The following DPYD variants were observed in gnomAD, a reference collection of about 807,000 sequenced individuals.
The protein encoded by DPYD is dihydropyrimidine dehydrogenase [NADP(+)].
In DPYD, 109 loss-of-function variants were observed where a neutral mutation model predicts 116.2. The observed-to-expected ratio is 0.94, with a 90% CI of 0.80 to 1.10. The LOEUF is 1.10. DPYD is among the 50% of genes least tolerant of loss of function. DPYD has a pLI of 0.00. For missense variants in DPYD, 1,302 were observed against 1,254.5 expected, an observed-to-expected ratio of 1.04 and a Z score of -0.57; for synonymous variants, 440 against 432.0, an observed-to-expected ratio of 1.02 and a Z score of -0.23.
At chr1:97,197,087 A>C in intron 19 of DPYD, among the ~76,000 whole-genome samples, 1 of 152,202 alleles carries the variant, frequency 6.6e-6, no homozygotes, top group East Asian at 1.9e-4. Context: ...AATGTAGAAA[A>C]GAGTATAGAA....
intron 20 of DPYD, among the ~76,000 whole-genome samples, chr1:97,178,564 C>T: frequency 6.6e-6 from 1 of 152,112 alleles, no homozygotes; most frequent in East Asian, 1.9e-4. Flanking sequence ...CCCCCATGAT[C>T]CAGTCACCTC....
chr1:97,392,810 T>C (rs1480849138), intron 14 of DPYD, among the ~76,000 whole-genome samples: 5 of 152,034 alleles, frequency 3.3e-5, no homozygotes, highest in Non-Finnish European at 2.9e-5. Context: ...CTTCTCATTA[T>C]TGTTCTCTTG....
chr1:97,839,842 C>T (rs1669954664), intron 2 of DPYD, among the ~76,000 whole-genome samples: 1 of 152,124 alleles, frequency 6.6e-6, no homozygotes, highest in African/African-American at 2.4e-5. Flanking sequence ...TTGCCTGAAA[C>T]TTTGCCAGTG....
At chr1:97,079,218 C>G in intron 22 of DPYD, 72 bp from the exon 23 acceptor site, 1 of 1,539,288 alleles carries the variant, frequency 6.5e-7, no homozygotes, top group Non-Finnish European at 9.0e-7. Flanking sequence ...TTAGCGTTAA[C>G]ATTTTTCTCT....
rs76563222 is a variant in DPYD, at chr1:97,505,740, A to G, written c.1740+9986T>C. ...TTATAAGAGCTCTCAAAATACATCA[A>G]ATCTTGCCCAGATACCTAAAAATGG... is the stretch of plus-strand genomic sequence containing the variant. On this transcript the variant is annotated intron_variant, in intron 13 of 22. Transcript: ENST00000370192. Among the ~76,000 whole-genome samples, 1,294 of 152,076 alleles carry G rather than the reference A, an allele frequency of 8.5e-3. 14 individuals are homozygous for G. The highest frequency in any genetic ancestry group is 0.02 in the Middle Eastern group (6 of 294).
At chr1:97,303,590 T>C (rs1322018492) in intron 18 of DPYD, among the ~76,000 whole-genome samples, 2 of 152,068 alleles carry the variant, frequency 1.3e-5, no homozygotes, top group African/African-American at 4.8e-5. Context: ...TTTAAACTGC[T>C]TTTCAGATTC....
chr1:97,214,911 T>C (rs568091374), intron 19 of DPYD, among the ~76,000 whole-genome samples: 1 of 152,326 alleles, frequency 6.6e-6, no homozygotes, highest in African/African-American at 2.4e-5. Context: ...CAACAAAACA[T>C]TAACACTTGA....
At chr1:97,596,132 T>C (rs554619524) in intron 8 of DPYD, among the ~76,000 whole-genome samples, 15 of 152,102 alleles carry the variant, frequency 9.9e-5, no homozygotes, top group African/African-American at 3.4e-4. Context: ...AAGAAATTAG[T>C]TTTACCGTAT....
intron 18 of DPYD, among the ~76,000 whole-genome samples, chr1:97,272,349 T>G (rs1378845962): frequency 6.6e-6 from 1 of 152,156 alleles, no homozygotes; most frequent in South Asian, 2.1e-4. Flanking sequence ...GTCTTTTAAC[T>G]GAGTAAACGA....
intron 18 of DPYD, chr1:97,295,897 C>T (rs1229277639): frequency 5.3e-5 from 14 of 265,782 alleles, no homozygotes; most frequent in Non-Finnish European, 7.5e-5. Flanking sequence ...ACACTTTACA[C>T]AGAAATCTAT....
In DPYD at chr1:97,450,061, T is replaced by C; in HGVS notation, c.1903A>G (p.Asn635Asp). ...VTELKADFPD[N>D]IVIASIMCSY... ...TTTAGATGTTAAATCACACTTACGT[T>C]GTCTGGAAAGTCAGCCTTTAGTTCA... The change falls in exon 14 of 23, where the codon AAC becomes GAC. Residue 635 changes from asparagine (N) to aspartate (D), a missense_variant and splice_region_variant. Transcript: ENST00000370192. 1.2e-6 allele frequency: 2 copies of C among 1,613,890 alleles called. No homozygotes were observed. Among genetic ancestry groups the C allele is most frequent in the Non-Finnish European group, 8.5e-7 (1 of 1,179,814 alleles).
intron 1 of DPYD, among the ~76,000 whole-genome samples, chr1:97,887,199 G>C (rs1313612700): frequency 6.6e-6 from 1 of 151,894 alleles, no homozygotes; most frequent in Non-Finnish European, 1.5e-5. Context: ...TCCAGGCCAG[G>C]CATAATGGGT....
intron 4 of DPYD, among the ~76,000 whole-genome samples, chr1:97,739,135 G>A (rs1255520606): frequency 2.0e-5 from 3 of 152,004 alleles, no homozygotes; most frequent in Non-Finnish European, 2.9e-5. Flanking sequence ...CTTTTCTGAT[G>A]AGATCTTTAT....
chr1:97,453,586 A>G (rs1354217209), intron 13 of DPYD, among the ~76,000 whole-genome samples: 1 of 152,138 alleles, frequency 6.6e-6, no homozygotes, highest in Non-Finnish European at 1.5e-5. Context: ...AACATCTCAC[A>G]TTAGCCAAAA....
At chr1:97,712,176 C>A (rs916344705) in intron 5 of DPYD, among the ~76,000 whole-genome samples, 5 of 151,990 alleles carry the variant, frequency 3.3e-5, no homozygotes, top group Admixed American at 2.0e-4. Flanking sequence ...TGTCTCTCTA[C>A]TTTAGGAGCT....
intron 3 of DPYD, among the ~76,000 whole-genome samples, chr1:97,782,341 C>A (rs1274224487): frequency 6.6e-6 from 1 of 152,166 alleles, no homozygotes; most frequent in Non-Finnish European, 1.5e-5. Context: ...ACCCACTATC[C>A]CATTTTCTTC....
At chr1:97,243,223 A>G (rs1662493861) in intron 18 of DPYD, among the ~76,000 whole-genome samples, 1 of 151,920 alleles carries the variant, frequency 6.6e-6, no homozygotes, top group African/African-American at 2.4e-5. Context: ...GCAATTTTAT[A>G]TGCTCTATAG....
intron 11 of DPYD, among the ~76,000 whole-genome samples, chr1:97,551,669 T>C (rs1008833333): frequency 1.4e-4 from 22 of 152,150 alleles, no homozygotes; most frequent in Admixed American, 5.9e-4. Flanking sequence ...GATTTCATTC[T>C]ATGCTTGAGC....
intron 20 of DPYD, among the ~76,000 whole-genome samples, chr1:97,104,596 C>G (rs1651000266): frequency 6.6e-6 from 1 of 151,940 alleles, no homozygotes; most frequent in African/African-American, 2.4e-5. Context: ...GTCATCCGAG[C>G]TAAACTCTGA....
Sources: allele counts gnomAD v4.1 joint callset (sites outside exome capture counted in the v4.1 genomes callset), GRCh38; gene constraint gnomAD v4.1.1; transcripts MANE v1.5; gene names NCBI Gene and HGNC (gene_info 2026-07-23, HGNC 2026-07-21).